Variants in KCNH5 observed in about 807,000 individuals in gnomAD.
KCNH5 encodes voltage-gated delayed rectifier potassium channel KCNH5.
KCNH5 carries 46 observed loss-of-function variants against 96.1 expected under a neutral mutation model. That is an observed-to-expected ratio of 0.48 (90% CI 0.38 to 0.61). The LOEUF (loss-of-function observed/expected upper bound fraction) is 0.61. KCNH5 is among the 20% of genes least tolerant of loss of function. The pLI is 0.00. For synonymous variants in KCNH5, 439 were observed against 449.8 expected (o/e 0.98, Z 0.30); for missense variants, 907 against 1,225.8 (o/e 0.74, Z 3.88).
At chr14:62,895,808 T>C (rs1888799442) in intron 7 of KCNH5, among the ~76,000 whole-genome samples, 1 of 152,130 alleles carries the variant, frequency 6.6e-6, no homozygotes, top group African/African-American at 2.4e-5. Context: ...AAAGACATAT[T>C]TTGTAAAGGT....
intron 10 of KCNH5, among the ~76,000 whole-genome samples, chr14:62,714,676 T>A (rs946872388): frequency 2.0e-5 from 3 of 152,208 alleles, no homozygotes; most frequent in African/African-American, 7.2e-5. Context: ...TGTTAAAGGA[T>A]TTGAGTTCAT....
At chr14:62,742,389 T>C (rs1396097506) in intron 10 of KCNH5, among the ~76,000 whole-genome samples, 10 of 152,238 alleles carry the variant, frequency 6.6e-5, no homozygotes, top group Admixed American at 6.5e-4. Flanking sequence ...ATAGATTGAT[T>C]CTATGTCGAT....
At position 62,870,213 on chromosome 14, in the gene KCNH5, G is replaced by A. The variant is rs879916469; in HGVS notation, c.1370-20361C>T. Among the ~76,000 whole-genome samples the A allele has an allele frequency of 2.6e-5, 4 of 152,032 alleles. 1 individual carries two copies. Among genetic ancestry groups the A allele is most frequent in the Non-Finnish European group, 5.9e-5 (4 of 68,002 alleles). The stretch of plus-strand genomic sequence containing the variant: ...AGTTACATACAAATTAGCCTCCACT[G>A]GTTTCTTTGACACACATACATGGAA... On this transcript the variant is annotated intron_variant, in intron 7 of 10. Transcript: ENST00000322893.
chr14:62,937,046 A>G (rs1484391818), intron 7 of KCNH5, among the ~76,000 whole-genome samples: 1 of 151,562 alleles, frequency 6.6e-6, no homozygotes, highest in Non-Finnish European at 1.5e-5. Flanking sequence ...ATTAGAAGGG[A>G]AAAATAATCA....
At chr14:63,019,048 CAT>C (rs558750726) in intron 1 of KCNH5, among the ~76,000 whole-genome samples, 93 of 151,936 alleles carry the variant, frequency 6.1e-4, no homozygotes, top group African/African-American at 2.0e-3. Context: ...AGATTGAAGA[CAT>C]GTTCTGTGGG....
At chr14:62,835,141 G>A (rs547403553) in intron 8 of KCNH5, among the ~76,000 whole-genome samples, 13 of 151,986 alleles carry the variant, frequency 8.6e-5, no homozygotes, top group East Asian at 3.9e-4. Context: ...CAAAAGACTC[G>A]AAAGCTCAAT....
chr14:62,727,560 A>G (rs115115184), intron 10 of KCNH5, among the ~76,000 whole-genome samples: 1,559 of 152,234 alleles, frequency 0.01, 22 homozygotes, highest in African/African-American at 0.036. Flanking sequence ...TATATGAGGT[A>G]TATTTTCATA....
At chr14:62,916,611 T>C (rs574987741) in intron 7 of KCNH5, among the ~76,000 whole-genome samples, 44 of 152,336 alleles carry the variant, frequency 2.9e-4, no homozygotes, top group African/African-American at 8.7e-4. Flanking sequence ...AATGTCTTTT[T>C]CCACTGCCAT....
chr14:62,859,895 C>T (rs1224131747), intron 7 of KCNH5, among the ~76,000 whole-genome samples: 1 of 152,290 alleles, frequency 6.6e-6, no homozygotes, highest in East Asian at 1.9e-4. Flanking sequence ...ATGAGGCCAC[C>T]GGTGCAGGCT....
At chr14:62,831,620 T>C (rs1887351539) in intron 8 of KCNH5, among the ~76,000 whole-genome samples, 1 of 152,236 alleles carries the variant, frequency 6.6e-6, no homozygotes, top group African/African-American at 2.4e-5. Flanking sequence ...GTGTTGCTAA[T>C]GCTTTACTGA....
chr14:62,746,575 G>A (rs144797678), intron 10 of KCNH5, among the ~76,000 whole-genome samples: 4 of 152,326 alleles, frequency 2.6e-5, no homozygotes, highest in Non-Finnish European at 2.9e-5. Context: ...ATCCTGGAAA[G>A]AATATCACTG....
At chr14:62,748,399 G>T (rs1206994353) in intron 10 of KCNH5, among the ~76,000 whole-genome samples, 1 of 152,118 alleles carries the variant, frequency 6.6e-6, no homozygotes, top group Non-Finnish European at 1.5e-5. Context: ...CCAAGTCGGG[G>T]TCTGTTTAGT....
chr14:62,748,558 C>G (rs962695019), intron 10 of KCNH5, among the ~76,000 whole-genome samples: 15 of 151,818 alleles, frequency 9.9e-5, no homozygotes, highest in African/African-American at 3.4e-4. Flanking sequence ...CCTGACATAT[C>G]TCCCTGCTTC....
At chr14:62,957,613 G>A (rs1266428773) in intron 6 of KCNH5, among the ~76,000 whole-genome samples, 1 of 152,134 alleles carries the variant, frequency 6.6e-6, no homozygotes, top group Non-Finnish European at 1.5e-5. Flanking sequence ...GACTTGCTTT[G>A]GCCAACAGAA....
chr14:63,022,942 A>C (rs1279020989), intron 1 of KCNH5, among the ~76,000 whole-genome samples: 1 of 152,114 alleles, frequency 6.6e-6, no homozygotes, highest in Non-Finnish European at 1.5e-5. Flanking sequence ...ACGGTGACTC[A>C]CACTTGTAAT....
chr14:62,943,601 T>G (rs1041929585), intron 7 of KCNH5, among the ~76,000 whole-genome samples: 22 of 152,196 alleles, frequency 1.4e-4, no homozygotes, highest in Non-Finnish European at 2.6e-4. Context: ...CGTATGTACA[T>G]ACATACTATT....
At chr14:63,043,175 T>G (rs1891858473) in intron 1 of KCNH5, among the ~76,000 whole-genome samples, 1 of 152,090 alleles carries the variant, frequency 6.6e-6, no homozygotes, top group African/African-American at 2.4e-5. Flanking sequence ...TTTTAAAAAT[T>G]CAAAAAACTA....
At chr14:62,727,194 G>A (rs148326459) in intron 10 of KCNH5, among the ~76,000 whole-genome samples, 70 of 151,992 alleles carry the variant, frequency 4.6e-4, no homozygotes, top group African/African-American at 1.5e-3. Flanking sequence ...GTAAAACCCC[G>A]TCTCTACTAA....
intron 7 of KCNH5, among the ~76,000 whole-genome samples, chr14:62,926,930 T>C (rs1018158186): frequency 3.3e-5 from 5 of 152,098 alleles, no homozygotes; most frequent in African/African-American, 1.2e-4. Context: ...CTGCTCTGCC[T>C]GTCCCCATTT....
Sources: gnomAD v4.1 joint callset for allele counts (sites outside exome capture counted in the v4.1 genomes callset) on GRCh38, gnomAD v4.1.1 for gene constraint, MANE v1.5 for transcripts, NCBI Gene and HGNC (gene_info 2026-07-23, HGNC 2026-07-21) for gene names.